Variants in ZNF230 observed in about 807,000 individuals in gnomAD.
ZNF230 encodes zinc finger protein 230, also known as zinc finger protein FDZF2.
ZNF230 carries 12 observed loss-of-function variants against 10.0 expected under a neutral mutation model. That is an observed-to-expected ratio of 1.20 (90% CI 0.77 to 1.95). The LOEUF (loss-of-function observed/expected upper bound fraction) is 1.95. Among genes scored for constraint, ZNF230 ranks in the 30% most tolerant of loss-of-function variants. ZNF230 has a pLI of 0.00. For missense variants in ZNF230, 532 were observed against 565.8 expected (o/e 0.94, Z 0.61); for synonymous variants, 174 against 193.6 (o/e 0.90, Z 0.84).
rs1009596037 is a variant in ZNF230, at chr19:44,008,500, A to G, written c.16-290A>G. On this transcript the variant is annotated intron_variant, in intron 2 of 4. Transcript: ENST00000429154. ...CATTGTTGCTGGGGCAACTGGGGCA[A>G]TTGGCAAAATTCATTGAAACCTATA... Among the ~76,000 whole-genome samples the G allele has an allele frequency of 3.3e-5, 5 of 152,318 alleles. No homozygotes were observed. The South Asian group carries it at 6.2e-4, about 19-fold the overall frequency.
rs770259019 is a variant in ZNF230, at chr19:44,009,084, G to A, written c.143G>A (p.Gly48Glu). 21 of 1,614,020 alleles carry A rather than the reference G, an allele frequency of 1.3e-5. No homozygotes were observed. The highest frequency in any genetic ancestry group is 3.3e-5 in the South Asian group (3 of 91,080). ...AGCACATGACTTTGCATGTTCACAG[G>A]GCATCAACCATTCCACCCTTTCCAC... ...LENFTNLLSVGHQPFHPFHFL... is the reference protein window; with the variant it reads ...LENFTNLLSVEHQPFHPFHFL... Residue 48 changes from glycine to glutamate, a missense_variant and splice_region_variant, in exon 4 of 5, where the codon GGG (glycine) becomes GAG (glutamate). Transcript: ENST00000429154.
rs1323510285 is a variant in ZNF230 at position 44,010,687 on chromosome 19, A to G, written c.648A>G (p.Arg216=). 4 of 1,614,136 alleles carry G rather than the reference A, an allele frequency of 2.5e-6. No homozygotes were observed. In the African/African-American group the frequency reaches 4.0e-5, roughly 16 times the overall value. The part of the protein sequence containing the change: ...SQSSCLQTRE[R]VHTGEKPFKC... ...GCTCATGTCTGCAAACTCGTGAGAGAGTCCACACTGGAGAGAAACCATTCA... is the reference window on the plus strand; with the variant it reads ...GCTCATGTCTGCAAACTCGTGAGAGGGTCCACACTGGAGAGAAACCATTCA... Residue 216 remains arginine, a synonymous_variant, in exon 5 of 5, where the codon AGA becomes AGG. Transcript: ENST00000429154.
At chr19:44,010,241 C>T in intron 4 of ZNF230, 28 bp from the exon 5 acceptor site, 1 of 1,554,774 alleles carries the variant, frequency 6.4e-7, no homozygotes, top group Non-Finnish European at 8.7e-7. Flanking sequence ...TTCATTTGTC[C>T]ACATCTCTTC....
Sources: allele counts gnomAD v4.1 joint callset (sites outside exome capture counted in the v4.1 genomes callset), GRCh38; gene constraint gnomAD v4.1.1; transcripts MANE v1.5; gene names NCBI Gene and HGNC (gene_info 2026-07-23, HGNC 2026-07-21).